MTA3: variants seen among roughly 807,000 people sequenced by gnomAD.
MTA3 encodes the protein metastasis-associated protein MTA3.
Under a neutral mutation model 83.5 loss-of-function variants are expected in MTA3, and 34 were observed. The ratio of observed to expected loss-of-function variants is 0.41; its 90% CI spans 0.31 to 0.54. MTA3 has a LOEUF of 0.54. MTA3 is among the 20% of genes least tolerant of loss of function. MTA3 has a pLI of 0.33. For synonymous variants in MTA3, 303 were observed against 252.7 expected, an observed-to-expected ratio of 1.20 and a Z score of -1.89; for missense variants, 761 against 726.4, an observed-to-expected ratio of 1.05 and a Z score of -0.55.
At chr2:42,598,639 G>A (rs1283325333) in intron 3 of MTA3, among the ~76,000 whole-genome samples, 1 of 152,062 alleles carries the variant, frequency 6.6e-6, no homozygotes, top group Non-Finnish European at 1.5e-5. Context: ...TAAATATACT[G>A]CATTTTGTTA....
chr2:42,627,682 G>C (rs905910206), intron 4 of MTA3, among the ~76,000 whole-genome samples: 6 of 150,270 alleles, frequency 4.0e-5, no homozygotes, highest in African/African-American at 1.5e-4. Flanking sequence ...TCCTGCCTCA[G>C]CCTCCCAAGT....
chr2:42,590,613 CTTTTTTTTTT>C (rs746232027), intron 3 of MTA3, among the ~76,000 whole-genome samples: 2 of 115,684 alleles, frequency 1.7e-5, no homozygotes, highest in Non-Finnish European at 3.4e-5. Flanking sequence ...TTCATGTTTG[CTTTTTTTTTT>C]TTTTTTTTTG....
intron 10 of MTA3, among the ~76,000 whole-genome samples, chr2:42,696,097 A>T (rs1394654326): frequency 1.3e-5 from 2 of 152,186 alleles, no homozygotes; most frequent in East Asian, 1.9e-4. Flanking sequence ...CATTTGACTG[A>T]TCCTTCATCT....
chr2:42,535,582 C>A (rs1255055302), intron 2 of MTA3, among the ~76,000 whole-genome samples: 1 of 152,154 alleles, frequency 6.6e-6, no homozygotes, highest in East Asian at 1.9e-4. Flanking sequence ...CTTCTACTTG[C>A]ATTTCATTGG....
chr2:42,732,946 A>G (rs1216886242), intron 16 of MTA3, among the ~76,000 whole-genome samples: 1 of 152,206 alleles, frequency 6.6e-6, no homozygotes, highest in Non-Finnish European at 1.5e-5. Context: ...CTTTTTGTCC[A>G]TATCACTATC....
intron 2 of MTA3, among the ~76,000 whole-genome samples, chr2:42,541,088 G>C (rs1051912599): frequency 2.0e-5 from 3 of 150,354 alleles, no homozygotes; most frequent in African/African-American, 4.9e-5. Context: ...CTGGAGTGCA[G>C]TGGTGCAATC....
At chr2:42,610,461 T>TA (rs1452619068) in intron 4 of MTA3, among the ~76,000 whole-genome samples, 1 of 152,204 alleles carries the variant, frequency 6.6e-6, no homozygotes, top group Non-Finnish European at 1.5e-5. Context: ...TCTGGTTCTC[T>TA]AACATGGACC....
chr2:42,617,096 A>G (rs1684989961), intron 4 of MTA3, among the ~76,000 whole-genome samples: 1 of 152,198 alleles, frequency 6.6e-6, no homozygotes, highest in African/African-American at 2.4e-5. Context: ...TGCAGCAACC[A>G]TGAGAAAGGG....
At chr2:42,703,004 G>C (rs1665722717) in intron 11 of MTA3, 1 of 152,404 alleles carries the variant, frequency 6.6e-6, no homozygotes, top group Non-Finnish European at 1.5e-5. Context: ...GCCCAGGCTG[G>C]AGTGGAGTAC....
chr2:42,714,479 G>A (rs1004355912), intron 14 of MTA3, among the ~76,000 whole-genome samples: 2 of 152,028 alleles, frequency 1.3e-5, no homozygotes, highest in African/African-American at 4.8e-5. Context: ...ATCTTGACAG[G>A]GTTCTTGAAT....
chr2:42,528,439 C>T (rs1231374609), intron 2 of MTA3, among the ~76,000 whole-genome samples: 5 of 152,000 alleles, frequency 3.3e-5, no homozygotes, highest in African/African-American at 1.2e-4. Flanking sequence ...AGGTTGGTCT[C>T]GAACCCCTGG....
chr2:42,730,077 C>G (rs1488960796), intron 16 of MTA3, among the ~76,000 whole-genome samples: 1 of 152,118 alleles, frequency 6.6e-6, no homozygotes, highest in Admixed American at 6.5e-5. Flanking sequence ...ATTTTGTATC[C>G]TGCAACTTTA....
intron 4 of MTA3, among the ~76,000 whole-genome samples, chr2:42,613,155 A>C (rs1255170197): frequency 6.6e-6 from 1 of 152,196 alleles, no homozygotes; most frequent in Admixed American, 6.5e-5. Context: ...GAAATTACAT[A>C]GTCTACATGA....
intron 6 of MTA3, among the ~76,000 whole-genome samples, chr2:42,645,614 A>T (rs1212110889): frequency 6.6e-6 from 1 of 152,224 alleles, no homozygotes; most frequent in Non-Finnish European, 1.5e-5. Flanking sequence ...AGTGGCGTAG[A>T]TAGAATATCA....
At chr2:42,550,541 C>G (rs1312301218) in intron 2 of MTA3, among the ~76,000 whole-genome samples, 1 of 152,070 alleles carries the variant, frequency 6.6e-6, no homozygotes, top group Non-Finnish European at 1.5e-5. Flanking sequence ...AATGTGGGTG[C>G]AAGGCTTAGG....
intron 4 of MTA3, among the ~76,000 whole-genome samples, chr2:42,630,545 C>G (rs1271427789): frequency 6.6e-6 from 1 of 151,976 alleles, no homozygotes; most frequent in Non-Finnish European, 1.5e-5. Flanking sequence ...TTATGTTGTG[C>G]TTTTGAAATG....
In MTA3 at chr2:42,563,065, C is replaced by T. The variant is rs190327585; in HGVS notation, c.-140-7372C>T. On this transcript the variant is annotated intron_variant, in intron 2 of 17. Coordinates refer to the MTA3 transcript ENST00000405592. Reference sequence around the variant, plus strand: ...CTCTAAAACCATCTACTTATCATAACCCACTGCCTCTACCCTAGGCCAGAC... The same window carrying T: ...CTCTAAAACCATCTACTTATCATAATCCACTGCCTCTACCCTAGGCCAGAC... Among the ~76,000 whole-genome samples the T allele has an allele frequency of 4.4e-4, 67 of 152,204 alleles. 1 individual carries two copies. The East Asian group carries it at 0.012, about 27-fold the overall frequency.
chr2:42,521,460 A>T (rs1197772185), intron 2 of MTA3, among the ~76,000 whole-genome samples: 2 of 152,216 alleles, frequency 1.3e-5, no homozygotes, highest in African/African-American at 4.8e-5. Flanking sequence ...TTGTTGTCTT[A>T]AGTCATTAAG....
chr2:42,627,443 A>G (rs1205348763), intron 4 of MTA3, among the ~76,000 whole-genome samples: 1 of 152,210 alleles, frequency 6.6e-6, no homozygotes, highest in Non-Finnish European at 1.5e-5. Context: ...GATAGTGGCC[A>G]GATGTGCTCT....
Sources: gnomAD v4.1 joint callset for allele counts (sites outside exome capture counted in the v4.1 genomes callset) on GRCh38, gnomAD v4.1.1 for gene constraint, MANE v1.5 for transcripts, NCBI Gene and HGNC (gene_info 2026-07-23, HGNC 2026-07-21) for gene names.